HNRNPUL1: variants seen among roughly 807,000 people sequenced by gnomAD.
The protein encoded by HNRNPUL1 is heterogeneous nuclear ribonucleoprotein U like 1.
In HNRNPUL1, 14 loss-of-function variants were observed where a neutral mutation model predicts 108.5. The ratio of observed to expected loss-of-function variants is 0.13; its 90% CI spans 0.09 to 0.20. The LOEUF (loss-of-function observed/expected upper bound fraction) is 0.20, where lower values mean the gene tolerates loss of function less well. Among genes scored for constraint, HNRNPUL1 ranks in the 10% least tolerant of loss-of-function variants. The pLI is 1.00. For missense variants in HNRNPUL1, 804 were observed against 1,168.3 expected, an observed-to-expected ratio of 0.69 and a Z score of 4.55; for synonymous variants, 422 against 445.2, an observed-to-expected ratio of 0.95 and a Z score of 0.66.
intron 1 of HNRNPUL1, chr19:41,265,025 G>A: frequency 7.2e-7 from 1 of 1,385,068 alleles, no homozygotes; most frequent in South Asian, 1.6e-5. Flanking sequence ...CTGGGTTTCG[G>A]AGGTGAGGGA....
Position 41,294,395 on chromosome 19 carries a change from G to T in HNRNPUL1, c.1324G>T (p.Ala442Ser). Reference sequence around the variant, plus strand: ...CAAGACCACATGGGCCATCAAACATGCAGCCTCCAACCCTTCCAAGAAGTA... The same window carrying T: ...CAAGACCACATGGGCCATCAAACATTCAGCCTCCAACCCTTCCAAGAAGTA... ...AGKTTWAIKH[A>S]ASNPSKKYNI... is the part of the protein sequence containing the mutation. Residue 442 changes from alanine (A) to serine (S), a missense_variant, in exon 9 of 15, where the codon GCA becomes TCA. This residue lies in a region of HNRNPUL1 where 80 missense variants were observed against 221.8 expected (regional missense o/e 0.36). Transcript: ENST00000392006. This position sits in a 1 kb window ranked among gnomAD's most constrained non-coding sequence, Gnocchi z 4.3. 1 of 1,614,080 alleles carries T rather than the reference G, an allele frequency of 6.2e-7. No homozygotes were observed. The highest frequency in any genetic ancestry group is 8.5e-7 in the Non-Finnish European group (1 of 1,180,018).
intron 7 of HNRNPUL1, among the ~76,000 whole-genome samples, chr19:41,286,159 A>C (rs1599810858): frequency 6.6e-6 from 1 of 150,630 alleles, no homozygotes; most frequent in South Asian, 2.1e-4. Context: ...ATTTTTATGC[A>C]CTCATATGAC....
In HNRNPUL1 at chr19:41,277,367, T is replaced by C. The variant is rs145678489; in HGVS notation, c.786+1069T>C. 3.1e-3 allele frequency among the ~76,000 whole-genome samples: 467 copies of C among 152,342 alleles called. 5 individuals are homozygous for C. Among genetic ancestry groups the C allele is most frequent in the African/African-American group, 0.011 (446 of 41,580 alleles). On this transcript the variant is annotated intron_variant, in intron 5 of 14. Transcript: ENST00000392006. ...AACAGGTACTGTTAGCCCCAGTTTT[T>C]AGAGGTAGAAGCTGAAACACAGAGG...
upstream of HNRNPUL1, among the ~76,000 whole-genome samples, chr19:41,263,514 A>C (rs1389912609): frequency 6.6e-6 from 1 of 152,218 alleles, no homozygotes; most frequent in Non-Finnish European, 1.5e-5. Context: ...GCGGCCGCGG[A>C]CTACCCAAGG....
intron 7 of HNRNPUL1, chr19:41,286,476 G>A (rs2036234260): frequency 6.6e-6 from 1 of 151,904 alleles, no homozygotes; most frequent in Non-Finnish European, 1.5e-5. Flanking sequence ...TCCCTCTTCT[G>A]ATCAGCATGA....
Position 41,292,273 on chromosome 19 carries a change from T to C in HNRNPUL1, c.1028T>C (p.Leu343Pro), listed in dbSNP as rs2036627377. Residue 343 changes from leucine (L) to proline (P), a missense_variant, in exon 8 of 15, where the codon CTG becomes CCG. Around this residue, in one of 4 missense-constraint regions of HNRNPUL1, gnomAD observed 174 missense variants for 296.6 expected, o/e 0.59. Coordinates refer to ENST00000392006, the MANE Select transcript of HNRNPUL1 (RefSeq NM_007040.6). This position sits in a 1 kb window ranked among gnomAD's most constrained non-coding sequence, Gnocchi z 4.1. The part of the protein sequence containing the change: ...ADFECGNDVE[L>P]SFTKNGKWMG... ...TTTGAATGTGGAAATGACGTGGAACTGTCTTTTACCAAGAATGGAAAGTGG... is the reference window on the plus strand; with the variant it reads ...TTTGAATGTGGAAATGACGTGGAACCGTCTTTTACCAAGAATGGAAAGTGG... 6.2e-7 allele frequency: 1 copy of C among 1,614,112 alleles called. No individual in the cohort carries two copies. Among genetic ancestry groups the C allele is most frequent in the Admixed American group, 1.7e-5 (1 of 60,008 alleles).
intron 4 of HNRNPUL1, among the ~76,000 whole-genome samples, chr19:41,275,814 T>A (rs1024497371): frequency 4.6e-5 from 7 of 152,040 alleles, no homozygotes; most frequent in Admixed American, 3.9e-4. Flanking sequence ...TTCTAAAACA[T>A]CAGCCAGGCC....
chr19:41,276,389 A>C (rs2035558991), intron 5 of HNRNPUL1, 91 bp downstream of exon 5: 1 of 1,406,540 alleles, frequency 7.1e-7, no homozygotes, highest in African/African-American at 1.4e-5. Context: ...CTGCAACTGC[A>C]AAAGAGATTG....
At chr19:41,263,669 TA>T (rs1402466654), upstream of HNRNPUL1, among the ~76,000 whole-genome samples, 2 of 152,242 alleles carry the variant, frequency 1.3e-5, no homozygotes, top group African/African-American at 2.4e-5. Context: ...TGTATCCACT[TA>T]ATCTCTATTT....
intron 10 of HNRNPUL1, 38 bp from the exon 11 acceptor site, chr19:41,301,498 T>C (rs186774688): frequency 5.2e-4 from 828 of 1,577,742 alleles, no homozygotes; most frequent in Admixed American, 9.9e-4. Flanking sequence ...CAACTCTTAA[T>C]GTACCATCTC....
At chr19:41,302,278 G>T (rs1235712649) in intron 11 of HNRNPUL1, 4 of 288,742 alleles carry the variant, frequency 1.4e-5, no homozygotes, top group Non-Finnish European at 2.7e-5. Context: ...GAGTATAGTG[G>T]TGCGATCTTG....
chr19:41,271,682 A>G (rs1203196269), intron 2 of HNRNPUL1, among the ~76,000 whole-genome samples: 1 of 151,992 alleles, frequency 6.6e-6, no homozygotes, highest in Non-Finnish European at 1.5e-5. Context: ...AGGTTATTGC[A>G]CCTATGGGAT....
At chr19:41,291,893 AT>A (rs2036592906) in intron 7 of HNRNPUL1, 1 of 225,442 alleles carries the variant, frequency 4.4e-6, no homozygotes, top group African/African-American at 2.4e-5. Flanking sequence ...AGGTGGGAGG[AT>A]TGCTTGAACC....
At chr19:41,272,043 T>C in intron 2 of HNRNPUL1, 39 bp from the exon 3 acceptor site, 1 of 1,607,076 alleles carries the variant, frequency 6.2e-7, no homozygotes. Flanking sequence ...CTGGGGAGCT[T>C]GCGAGTGTCT....
intron 10 of HNRNPUL1, among the ~76,000 whole-genome samples, chr19:41,298,303 A>C (rs1599844195): frequency 6.6e-6 from 1 of 152,214 alleles, no homozygotes. Flanking sequence ...GGGAACACAG[A>C]CAGCCACATT....
At chr19:41,266,592 A>C (rs564482628) in intron 1 of HNRNPUL1, among the ~76,000 whole-genome samples, 2 of 152,220 alleles carry the variant, frequency 1.3e-5, no homozygotes, top group African/African-American at 4.8e-5. Flanking sequence ...ACCAGGCCTC[A>C]GGGCAGCTTT....
chr19:41,271,830 G>C (rs1465343992), intron 2 of HNRNPUL1, among the ~76,000 whole-genome samples: 1 of 152,160 alleles, frequency 6.6e-6, no homozygotes, highest in African/African-American at 2.4e-5. Flanking sequence ...AAGAACTAAG[G>C]CAGAGAGGTT....
rs759076900 is a variant in HNRNPUL1, at chr19:41,264,499, G to A, written c.-5G>A. On this transcript the variant is annotated 5_prime_UTR_variant, in exon 1 of 15. Coordinates refer to ENST00000392006, the MANE Select transcript of HNRNPUL1 (RefSeq NM_007040.6). ...GGCTCGGGGGCCACCCCGGGGGCCCGGGCCATGGATGTGCGCCGTCTGAAG... is the reference window on the plus strand; with the variant it reads ...GGCTCGGGGGCCACCCCGGGGGCCCAGGCCATGGATGTGCGCCGTCTGAAG... 3.1e-5 allele frequency: 42 copies of A among 1,364,294 alleles called. No homozygotes were observed. Among genetic ancestry groups the A allele is most frequent in the Non-Finnish European group, 3.8e-5 (40 of 1,056,486 alleles). The allele number at this position is 1,364,294 out of a possible 1,614,324, so 84.5% of individuals were successfully genotyped here. A position where few individuals can be genotyped will look rare whatever the true frequency, so the allele number is the denominator to read the frequency against.
At chr19:41,272,379 C>A in intron 3 of HNRNPUL1, 144 bp downstream of exon 3, 3 of 836,544 alleles carry the variant, frequency 3.6e-6, no homozygotes, top group Non-Finnish European at 5.5e-6. Context: ...CCTTCCCGTA[C>A]TTGCTACCAG....
Sources: allele counts gnomAD v4.1 joint callset (sites outside exome capture counted in the v4.1 genomes callset), GRCh38; gene constraint gnomAD v4.1.1; regional missense constraint gnomAD v4.1.1; non-coding constraint Gnocchi (gnomAD v3.1); transcripts MANE v1.5; gene names NCBI Gene and HGNC (gene_info 2026-07-23, HGNC 2026-07-21).